ELMO1: variants seen among roughly 807,000 people sequenced by gnomAD.
The protein encoded by ELMO1 is engulfment and cell motility protein 1.
In ELMO1, 26 loss-of-function variants were observed where a neutral mutation model predicts 98.9. The observed-to-expected ratio is 0.26, with a 90% CI of 0.19 to 0.36. The LOEUF (loss-of-function observed/expected upper bound fraction) is 0.36, where lower values mean the gene tolerates loss of function less well. ELMO1 is among the 10% of genes least tolerant of loss of function. The probability of loss-of-function intolerance (pLI) is 1.00; values close to 1 mark genes in which losing one functional copy is unlikely to be tolerated. For missense variants in ELMO1, 627 were observed against 935.2 expected, an observed-to-expected ratio of 0.67 and a Z score of 4.30; for synonymous variants, 346 against 346.0, an observed-to-expected ratio of 1.00 and a Z score of 0.00.
At chr7:37,114,844 A>G (rs979111682) in intron 14 of ELMO1, among the ~76,000 whole-genome samples, 1 of 152,180 alleles carries the variant, frequency 6.6e-6, no homozygotes, top group Non-Finnish European at 1.5e-5. Flanking sequence ...GAAAAGATCA[A>G]TAAAAACAAC....
At position 37,188,501 on chromosome 7, in the gene ELMO1, A is replaced by AAAAT. The variant is rs764889756; in HGVS notation, c.1086+22884_1086+22885insATTT. Among the ~76,000 whole-genome samples, 123 of 125,942 alleles carry AAAAT rather than the reference A, an allele frequency of 9.8e-4. 6 individuals carry two copies. The highest frequency in any genetic ancestry group is 2.2e-3 in the African/African-American group (71 of 32,954). 82.6% of individuals were successfully genotyped at this position (125,942 alleles called of 152,430 possible). A position where few individuals can be genotyped will look rare whatever the true frequency, so the allele number is the denominator to read the frequency against. On this transcript the variant is annotated intron_variant, in intron 13 of 21. Coordinates refer to ENST00000310758, the MANE Select transcript of ELMO1 (RefSeq NM_014800.11). ...CTGGAGAAAGGTAAAAAAAAAAAAAAAATAATAATAATAATAATAATAATA... is the reference window on the plus strand; with the variant it reads ...CTGGAGAAAGGTAAAAAAAAAAAAAAAAATAATAATAATAATAATAATAATAATA...
chr7:36,857,889 C>A lies in ELMO1; in HGVS notation c.1984-2138G>T, dbSNP rs79879476. ...AACATAAAGATAAACCTGGAACACT[C>A]CATCATACCAGAATGCCAGAAAGTT... On this transcript the variant is annotated intron_variant, in intron 21 of 21. Transcript: ENST00000310758. Among the ~76,000 whole-genome samples, 502 of 152,286 alleles carry A rather than the reference C, an allele frequency of 3.3e-3. 3 individuals are homozygous for A. The highest frequency in any genetic ancestry group is 0.012 in the African/African-American group (479 of 41,538).
intron 14 of ELMO1, among the ~76,000 whole-genome samples, chr7:37,127,130 T>C (rs553131654): frequency 6.6e-6 from 1 of 152,316 alleles, no homozygotes; most frequent in East Asian, 1.9e-4. Flanking sequence ...TTACTTCTCC[T>C]ATCACTACTC....
intron 1 of ELMO1, among the ~76,000 whole-genome samples, chr7:37,445,621 C>T (rs1805583538): frequency 1.7e-5 from 2 of 116,278 alleles, no homozygotes; most frequent in Middle Eastern, 8.9e-3. Context: ...TACTTTGAAA[C>T]ACTCAAGAGT....
intron 4 of ELMO1, among the ~76,000 whole-genome samples, chr7:37,292,763 G>A (rs1308734267): frequency 3.1e-5 from 3 of 97,992 alleles, no homozygotes; most frequent in Non-Finnish European, 4.6e-5. Flanking sequence ...CGCCCGGCCA[G>A]CCACCCCGTC....
At chr7:37,297,031 A>G (rs905037861) in intron 4 of ELMO1, among the ~76,000 whole-genome samples, 1 of 151,482 alleles carries the variant, frequency 6.6e-6, no homozygotes, top group African/African-American at 2.4e-5. Flanking sequence ...GATTTAAGAT[A>G]AAAGCAATCT....
intron 18 of ELMO1, among the ~76,000 whole-genome samples, chr7:36,879,555 G>A (rs972950147): frequency 1.3e-5 from 2 of 152,210 alleles, no homozygotes; most frequent in Non-Finnish European, 2.9e-5. Context: ...AGAAATAGAA[G>A]TTTTAAGAAT....
Position 36,855,754 on chromosome 7 carries a change from G to A in ELMO1, c.1984-3C>T. The A allele has an allele frequency of 1.2e-6, 2 of 1,613,882 alleles. No individual in the cohort carries two copies. Among genetic ancestry groups the A allele is most frequent in the Non-Finnish European group, 1.7e-6 (2 of 1,179,892 alleles). On this transcript the variant is annotated splice_region_variant and splice_polypyrimidine_tract_variant and intron_variant, in intron 21 of 21. Coordinates refer to ENST00000310758, the MANE Select transcript of ELMO1 (RefSeq NM_014800.11). The surrounding 1 kb of genome is among the most constrained non-coding windows in gnomAD (Gnocchi z 4.2). ...AGTCCATCCGTCCAGATACAGTACTGGCAGGAAGGGAGGCAACAGCGATCA... is the reference window on the plus strand; with the variant it reads ...AGTCCATCCGTCCAGATACAGTACTAGCAGGAAGGGAGGCAACAGCGATCA...
At chr7:37,025,878 AAT>A (rs1192979667) in intron 15 of ELMO1, among the ~76,000 whole-genome samples, 2 of 147,178 alleles carry the variant, frequency 1.4e-5, no homozygotes, top group African/African-American at 2.5e-5. Context: ...TGTCTCTCCA[AAT>A]ATATATATTA....
chr7:37,396,351 G>C (rs1023201097), intron 1 of ELMO1, among the ~76,000 whole-genome samples: 1 of 151,910 alleles, frequency 6.6e-6, no homozygotes, highest in African/African-American at 2.4e-5. Flanking sequence ...AGGAGTTCAA[G>C]ACCCCTGGGC....
chr7:37,092,782 C>T (rs766199174), intron 15 of ELMO1, among the ~76,000 whole-genome samples: 4 of 152,096 alleles, frequency 2.6e-5, no homozygotes, highest in Admixed American at 6.5e-5. Context: ...AAGGAACCAG[C>T]GGCTCAGAAC....
rs868570109 is a variant in ELMO1, at chr7:37,200,918, G to C, written c.1086+10468C>G. ...AGATCGCACCACTGCACTCCAGCCT[G>C]GGTGACAAAGTGAGACTCTGTCTCA... is the stretch of plus-strand genomic sequence containing the variant. On this transcript the variant is annotated intron_variant, in intron 13 of 21. Transcript: ENST00000310758. Among the ~76,000 whole-genome samples, 26 of 151,182 alleles carry C rather than the reference G, an allele frequency of 1.7e-4. No individual in the cohort carries two copies. In the Middle Eastern group the frequency reaches 0.01, roughly 59 times the overall value.
In ELMO1 at chr7:37,428,030, G is replaced by GGTGTGTGTGTGT. The variant is rs10681558; in HGVS notation, c.-74+20633_-74+20644dup. Among the ~76,000 whole-genome samples, 690 of 149,890 alleles carry GGTGTGTGTGTGT rather than the reference G, an allele frequency of 4.6e-3. 6 individuals carry two copies. Among genetic ancestry groups the GGTGTGTGTGTGT allele is most frequent in the African/African-American group, 0.016 (639 of 40,580 alleles). On this transcript the variant is annotated intron_variant, in intron 1 of 21. Coordinates refer to ENST00000310758, the MANE Select transcript of ELMO1 (RefSeq NM_014800.11). ...ATCTACATGAAGGATGTATGCTTGG[G>GGTGTGTGTGTGT]GTGTGTGTGTGTGTGTGTGTGTGTG...
In ELMO1 at chr7:36,862,810, C is replaced by G. The variant is rs536165302; in HGVS notation, c.1906-1074G>C. Reference sequence around the variant, plus strand: ...TGAGCCACACTGCTCAGTAATTGCCCACAAAACATTCTTTCTTAGGGAGCC... The same window carrying G: ...TGAGCCACACTGCTCAGTAATTGCCGACAAAACATTCTTTCTTAGGGAGCC... On this transcript the variant is annotated intron_variant, in intron 20 of 21. Transcript: ENST00000310758. Among the ~76,000 whole-genome samples, 4 of 152,290 alleles carry G rather than the reference C, an allele frequency of 2.6e-5. No homozygotes were observed. The South Asian group carries it at 8.3e-4, about 32-fold the overall frequency.
At chr7:37,224,746 G>A in intron 9 of ELMO1, 133 bp downstream of exon 9, 1 of 1,306,362 alleles carries the variant, frequency 7.7e-7, no homozygotes, top group South Asian at 1.4e-5. Flanking sequence ...CACGTGGTTT[G>A]GTTATATGCC....
chr7:37,243,881 A>AGGT (rs1331560819), intron 7 of ELMO1, among the ~76,000 whole-genome samples: 1 of 152,218 alleles, frequency 6.6e-6, no homozygotes, highest in African/African-American at 2.4e-5. Flanking sequence ...CTTCATAGAT[A>AGGT]GGTGATCGAG....
intron 4 of ELMO1, among the ~76,000 whole-genome samples, chr7:37,310,131 T>C (rs1798818277): frequency 6.6e-6 from 1 of 152,220 alleles, no homozygotes; most frequent in South Asian, 2.1e-4. Context: ...CAAAGGTGCC[T>C]GGGGCCAGCT....
intron 15 of ELMO1, among the ~76,000 whole-genome samples, chr7:37,087,438 G>T (rs538710733): frequency 1.3e-5 from 2 of 151,644 alleles, no homozygotes; most frequent in Non-Finnish European, 2.9e-5. Context: ...CTTTCTGGCA[G>T]ATTTTTTTTT....
intron 2 of ELMO1, among the ~76,000 whole-genome samples, chr7:37,326,785 C>T (rs1027240358): frequency 3.3e-5 from 5 of 152,048 alleles, no homozygotes; most frequent in African/African-American, 1.2e-4. Flanking sequence ...AATGTATTAA[C>T]GGGTTAAAGA....
Sources: allele counts gnomAD v4.1 joint callset (sites outside exome capture counted in the v4.1 genomes callset), GRCh38; gene constraint gnomAD v4.1.1; non-coding constraint Gnocchi (gnomAD v3.1); transcripts MANE v1.5; gene names NCBI Gene and HGNC (gene_info 2026-07-23, HGNC 2026-07-21).